The following PLCXD3 variants were observed in gnomAD, a reference collection of about 807,000 sequenced individuals.
The protein encoded by PLCXD3 is phosphatidylinositol specific phospholipase C X domain containing 3.
In PLCXD3, 19 loss-of-function variants were observed where a neutral mutation model predicts 25.5. The observed-to-expected ratio is 0.75, with a 90% CI of 0.52 to 1.09. The LOEUF (loss-of-function observed/expected upper bound fraction) is 1.09, where lower values mean the gene tolerates loss of function less well. Ranked by LOEUF, PLCXD3 falls within the 50% of genes least tolerant of loss-of-function variation. The pLI is 0.00. For missense variants in PLCXD3, 411 were observed against 388.1 expected, an observed-to-expected ratio of 1.06 and a Z score of -0.50; for synonymous variants, 174 against 137.6, an observed-to-expected ratio of 1.26 and a Z score of -1.85.
intron 2 of PLCXD3, among the ~76,000 whole-genome samples, chr5:41,349,041 C>T (rs937756862): frequency 1.4e-4 from 21 of 152,118 alleles, no homozygotes; most frequent in African/African-American, 4.8e-4. Context: ...ATTTACTCAT[C>T]TTTTCTATGA....
chr5:41,499,635 A>T (rs1561291685), intron 1 of PLCXD3, among the ~76,000 whole-genome samples: 1 of 151,782 alleles, frequency 6.6e-6, no homozygotes, highest in Non-Finnish European at 1.5e-5. Flanking sequence ...GAAAGAGAAA[A>T]AATAATCCTA....
chr5:41,373,270 A>G (rs997339698), intron 2 of PLCXD3, among the ~76,000 whole-genome samples: 2 of 152,176 alleles, frequency 1.3e-5, no homozygotes, highest in Non-Finnish European at 2.9e-5. Context: ...GGTTCTGGTC[A>G]GTTTACAGAG....
At chr5:41,386,997 T>G (rs550641938) in intron 1 of PLCXD3, among the ~76,000 whole-genome samples, 3 of 152,200 alleles carry the variant, frequency 2.0e-5, no homozygotes, top group Admixed American at 6.5e-5. Flanking sequence ...ATATGAGCCT[T>G]TATTTCTGGT....
intron 2 of PLCXD3, among the ~76,000 whole-genome samples, chr5:41,367,421 T>A (rs1194861488): frequency 6.6e-6 from 1 of 152,230 alleles, no homozygotes; most frequent in Non-Finnish European, 1.5e-5. Context: ...AAATGTTTGT[T>A]GGCCATAATA....
intron 1 of PLCXD3, among the ~76,000 whole-genome samples, chr5:41,423,712 G>A (rs551659464): frequency 9.2e-5 from 14 of 152,270 alleles, no homozygotes; most frequent in African/African-American, 1.4e-4. Context: ...TTGGGAGGCC[G>A]AGGCGGACGG....
intron 1 of PLCXD3, among the ~76,000 whole-genome samples, chr5:41,502,303 A>G (rs1422753828): frequency 6.6e-6 from 1 of 152,070 alleles, no homozygotes; most frequent in Admixed American, 6.6e-5. Flanking sequence ...CAAGTTTTTA[A>G]ATATAAAATC....
chr5:41,336,915 G>C (rs1467706195), intron 2 of PLCXD3, among the ~76,000 whole-genome samples: 12 of 152,200 alleles, frequency 7.9e-5, no homozygotes, highest in African/African-American at 2.6e-4. Context: ...ACAAATCTTG[G>C]TGTCTTAGAG....
intron 1 of PLCXD3, among the ~76,000 whole-genome samples, chr5:41,449,196 T>C (rs1305853498): frequency 6.6e-6 from 1 of 152,242 alleles, no homozygotes; most frequent in African/African-American, 2.4e-5. Flanking sequence ...AAGTACAATC[T>C]AATATTCTTT....
intron 1 of PLCXD3, among the ~76,000 whole-genome samples, chr5:41,428,081 GGGAA>G (rs1747004344): frequency 6.6e-6 from 1 of 151,976 alleles, no homozygotes; most frequent in African/African-American, 2.4e-5. Context: ...CTGTCGCCCT[GGGAA>G]GGCATTAAAA....
intron 2 of PLCXD3, among the ~76,000 whole-genome samples, chr5:41,322,640 A>G (rs1403442851): frequency 6.6e-6 from 1 of 152,240 alleles, no homozygotes; most frequent in Non-Finnish European, 1.5e-5. Context: ...TGTAATACCT[A>G]AGATTTGGAA....
intron 1 of PLCXD3, among the ~76,000 whole-genome samples, chr5:41,494,380 A>T (rs912536265): frequency 3.9e-5 from 6 of 152,250 alleles, no homozygotes; most frequent in African/African-American, 1.4e-4. Context: ...CAGTGGCCAC[A>T]TTAGGACTGT....
At chr5:41,405,913 C>T (rs1746337662) in intron 1 of PLCXD3, among the ~76,000 whole-genome samples, 2 of 152,044 alleles carry the variant, frequency 1.3e-5, no homozygotes, top group Admixed American at 6.6e-5. Flanking sequence ...TCATATAAAA[C>T]CCCAGCAAAA....
At chr5:41,493,892 G>C (rs990170750) in intron 1 of PLCXD3, among the ~76,000 whole-genome samples, 1 of 152,168 alleles carries the variant, frequency 6.6e-6, no homozygotes, top group Admixed American at 6.5e-5. Flanking sequence ...CACTTCCTGA[G>C]TCAGACAATG....
intron 2 of PLCXD3, among the ~76,000 whole-genome samples, chr5:41,369,481 TG>T (rs1184342288): frequency 6.6e-6 from 1 of 152,178 alleles, no homozygotes; most frequent in East Asian, 1.9e-4. Flanking sequence ...TGTCTTTTTT[TG>T]GTTGGTTGTT....
At chr5:41,381,253 T>C (rs1745451946) in intron 2 of PLCXD3, among the ~76,000 whole-genome samples, 1 of 152,120 alleles carries the variant, frequency 6.6e-6, no homozygotes, top group African/African-American at 2.4e-5. Context: ...AAAAGGGTGC[T>C]ATGAAAAGAC....
At position 41,487,371 on chromosome 5, in the gene PLCXD3, T is replaced by C. The variant is rs6887502; in HGVS notation, c.103+23053A>G. 9.7e-4 allele frequency among the ~76,000 whole-genome samples: 148 copies of C among 152,308 alleles called. 5 individuals carry two copies. The highest frequency in any genetic ancestry group is 3.5e-3 in the African/African-American group (144 of 41,586). On this transcript the variant is annotated intron_variant, in intron 1 of 2. Coordinates refer to ENST00000377801, the MANE Select transcript of PLCXD3 (RefSeq NM_001005473.3). ...TACTCTTTTTGGGTTCTCTTTCTCT[T>C]AGATCAACAGAGCAGAAGCCTTTGT...
intron 1 of PLCXD3, among the ~76,000 whole-genome samples, chr5:41,420,537 C>T (rs537409896): frequency 6.6e-6 from 1 of 152,192 alleles, no homozygotes; most frequent in Non-Finnish European, 1.5e-5. Context: ...AGGAATCAAA[C>T]TGTCAGGGTC....
rs994119550 is a variant in PLCXD3, at chr5:41,333,331, G to T, written c.813-19561C>A. Among the ~76,000 whole-genome samples, 7 of 152,136 alleles carry T rather than the reference G, an allele frequency of 4.6e-5. 1 individual carries two copies. The South Asian group carries it at 1.4e-3, about 31-fold the overall frequency. On this transcript the variant is annotated intron_variant, in intron 2 of 2. Transcript: ENST00000377801. ...TCAAATGTGTTTTCTTGTCAGTCTT[G>T]TCATTTTTGAAAGTTTAGAAATTTC... is the stretch of plus-strand genomic sequence containing the variant.
chr5:41,489,693 T>A (rs954653475), intron 1 of PLCXD3, among the ~76,000 whole-genome samples: 2 of 152,236 alleles, frequency 1.3e-5, no homozygotes, highest in African/African-American at 4.8e-5. Context: ...TTTGAAGCAA[T>A]TGTGTGTGAA....
Sources: allele counts gnomAD v4.1 joint callset (sites outside exome capture counted in the v4.1 genomes callset), GRCh38; gene constraint gnomAD v4.1.1; transcripts MANE v1.5; gene names NCBI Gene and HGNC (gene_info 2026-07-23, HGNC 2026-07-21).